NR5A2: variants seen among roughly 807,000 people sequenced by gnomAD.
The protein encoded by NR5A2 is CYP7A promoter-binding factor.
In NR5A2, 26 loss-of-function variants were observed where a neutral mutation model predicts 62.7. That is an observed-to-expected ratio of 0.41 (90% CI 0.30 to 0.58). The LOEUF (loss-of-function observed/expected upper bound fraction) is 0.58, where lower values mean the gene tolerates loss of function less well. NR5A2 is among the 20% of genes least tolerant of loss of function. NR5A2 has a pLI of 0.22. For synonymous variants in NR5A2, 246 were observed against 241.7 expected, an observed-to-expected ratio of 1.02 and a Z score of -0.16; for missense variants, 541 against 669.1, an observed-to-expected ratio of 0.81 and a Z score of 2.11.
At chr1:200,045,411 T>C (rs1558101464) in intron 3 of NR5A2, 32 bp from the exon 4 acceptor site, 1 of 1,548,882 alleles carries the variant, frequency 6.5e-7, no homozygotes, top group Admixed American at 2.1e-5. Flanking sequence ...GTTAGATTTA[T>C]AATACGTCTC....
At chr1:200,102,011 C>T (rs1158963741) in intron 5 of NR5A2, among the ~76,000 whole-genome samples, 1 of 152,090 alleles carries the variant, frequency 6.6e-6, no homozygotes. Flanking sequence ...ATACTGTAAA[C>T]CTCAAAGATG....
chr1:200,098,482 GA>G (rs1481024324), intron 5 of NR5A2, among the ~76,000 whole-genome samples: 4 of 152,070 alleles, frequency 2.6e-5, no homozygotes, highest in African/African-American at 9.7e-5. Context: ...ATAACTTACA[GA>G]AAAAAATAGG....
intron 5 of NR5A2, among the ~76,000 whole-genome samples, chr1:200,096,169 C>T (rs1226373579): frequency 6.6e-6 from 1 of 152,028 alleles, no homozygotes; most frequent in Non-Finnish European, 1.5e-5. Flanking sequence ...CTCATGGCAA[C>T]CTCTGCCTCT....
chr1:200,073,231 C>CATATAT (rs1407636032), intron 5 of NR5A2, among the ~76,000 whole-genome samples: 2 of 83,254 alleles, frequency 2.4e-5, no homozygotes, highest in Admixed American at 1.3e-4. Context: ...AAAGCATTTA[C>CATATAT]ATACATATAT....
chr1:200,167,925 T>G (rs1023590208), intron 7 of NR5A2, among the ~76,000 whole-genome samples: 1 of 152,204 alleles, frequency 6.6e-6, no homozygotes, highest in Non-Finnish European at 1.5e-5. Flanking sequence ...CTGTGTTAGC[T>G]GCCCATCCTG....
At chr1:200,146,896 G>A (rs1229105809) in intron 7 of NR5A2, among the ~76,000 whole-genome samples, 1 of 151,248 alleles carries the variant, frequency 6.6e-6, no homozygotes, top group Non-Finnish European at 1.5e-5. Flanking sequence ...ATATTCCCTT[G>A]TAAGGATACA....
chr1:200,155,124 C>T (rs1653316483), intron 7 of NR5A2, among the ~76,000 whole-genome samples: 2 of 152,156 alleles, frequency 1.3e-5, no homozygotes, highest in Non-Finnish European at 2.9e-5. Context: ...AAGTACTAGG[C>T]TCTTATCCCA....
intron 6 of NR5A2, 132 bp from the exon 7 acceptor site, chr1:200,120,676 G>T (rs2102310079): frequency 1.1e-6 from 1 of 937,374 alleles, no homozygotes; most frequent in Non-Finnish European, 1.5e-6. Flanking sequence ...TGGTCAAATA[G>T]TGAGACCCCA....
chr1:200,173,891 C>T (rs1654295746), intron 7 of NR5A2, 72 bp from the exon 8 acceptor site: 1 of 1,341,350 alleles, frequency 7.5e-7, no homozygotes, highest in Admixed American at 3.3e-5. Flanking sequence ...ATTAATTGAA[C>T]ACATTGCTTT....
intron 1 of NR5A2, among the ~76,000 whole-genome samples, chr1:200,037,276 C>G (rs768257196): frequency 5.9e-5 from 9 of 152,216 alleles, no homozygotes; most frequent in Admixed American, 2.0e-4. Context: ...CCTGTCAGAC[C>G]CTCTTTCAAC....
chr1:200,177,232 T>C lies in NR5A2; in HGVS notation c.*3022T>C, dbSNP rs1654460654. On this transcript the variant is annotated 3_prime_UTR_variant, in exon 8 of 8. Transcript: ENST00000367362. ...AATGTCTGATTATTTGTATCACAGA[T>C]CTGCAGCTGCCTTGGACTTGAATCC... 6.5e-6 allele frequency: 1 copy of C among 152,692 alleles called. No homozygotes were observed. Among genetic ancestry groups the C allele is most frequent in the Non-Finnish European group, 1.5e-5 (1 of 68,054 alleles). The allele number at this position is 152,692 out of a possible 1,614,324, so 9.5% of individuals were successfully genotyped here. A position where few individuals can be genotyped will look rare whatever the true frequency, so the allele number is the denominator to read the frequency against.
In NR5A2 at chr1:200,120,972, T is replaced by C; in HGVS notation, c.1378+17T>C. On this transcript the variant is annotated intron_variant, in intron 7 of 7. Coordinates refer to ENST00000367362, the MANE Select transcript of NR5A2 (RefSeq NM_205860.3). The stretch of plus-strand genomic sequence containing the variant: ...TTAGTTTAGGTAAGAAATCCTTTTC[T>C]CATGCTGTGCTCAACCAACGATTGC... 6.2e-7 allele frequency: 1 copy of C among 1,613,672 alleles called. No individual in the cohort carries two copies.
chr1:200,119,577 T>C (rs1005178530), intron 6 of NR5A2, among the ~76,000 whole-genome samples: 1 of 152,206 alleles, frequency 6.6e-6, no homozygotes, highest in Non-Finnish European at 1.5e-5. Context: ...TCTTAACTTG[T>C]TATAAATTGA....
intron 7 of NR5A2, among the ~76,000 whole-genome samples, chr1:200,135,825 C>T (rs1192599728): frequency 6.6e-6 from 1 of 152,194 alleles, no homozygotes; most frequent in Non-Finnish European, 1.5e-5. Flanking sequence ...TTACTCAAAA[C>T]ATCTGTGAAA....
At chr1:200,042,715 C>T (rs1349753735) in intron 2 of NR5A2, 27 of 739,756 alleles carry the variant, frequency 3.6e-5, no homozygotes, top group Non-Finnish European at 4.3e-5. Context: ...TGCGGGTGCC[C>T]GCCCACCCGC....
intron 6 of NR5A2, among the ~76,000 whole-genome samples, chr1:200,113,166 G>C (rs1360760295): frequency 1.3e-5 from 2 of 152,146 alleles, no homozygotes; most frequent in East Asian, 3.8e-4. Context: ...GGAACTCCAT[G>C]GTGGAGAAAT....
intron 7 of NR5A2, 75 bp downstream of exon 7, chr1:200,121,030 C>G (rs1407431133): frequency 6.6e-7 from 1 of 1,518,074 alleles, no homozygotes; most frequent in Non-Finnish European, 9.1e-7. Context: ...ATCTTGTGGT[C>G]CATGTATGTT....
chr1:200,041,862 C>T (rs1662102745), intron 2 of NR5A2, among the ~76,000 whole-genome samples: 1 of 152,168 alleles, frequency 6.6e-6, no homozygotes, highest in South Asian at 2.1e-4. Context: ...CACGGAGTCC[C>T]TCTGAAAGCA....
chr1:200,059,967 A>G (rs1663121055), intron 5 of NR5A2, among the ~76,000 whole-genome samples: 2 of 152,136 alleles, frequency 1.3e-5, no homozygotes, highest in Admixed American at 6.5e-5. Flanking sequence ...CACCTAACCC[A>G]GCAGTTAGGT....
Sources: gnomAD v4.1 joint callset for allele counts (sites outside exome capture counted in the v4.1 genomes callset) on GRCh38, gnomAD v4.1.1 for gene constraint, MANE v1.5 for transcripts, NCBI Gene and HGNC (gene_info 2026-07-23, HGNC 2026-07-21) for gene names.